Variants in DCP1A observed in about 807,000 individuals in gnomAD.
DCP1A encodes the protein decapping mRNA 1A, also known as mRNA-decapping enzyme 1A.
DCP1A carries 20 observed loss-of-function variants against 58.0 expected under a neutral mutation model. The observed-to-expected ratio is 0.34, with a 90% confidence interval of 0.24 to 0.50. The LOEUF (loss-of-function observed/expected upper bound fraction) is 0.50. Ranked by LOEUF, DCP1A falls within the 20% of genes least tolerant of loss-of-function variation. DCP1A has a pLI of 0.98. For missense variants in DCP1A, 613 were observed against 712.2 expected (o/e 0.86, Z 1.59); for synonymous variants, 285 against 275.1 (o/e 1.04, Z -0.36).
chr3:53,325,029 C>T (rs1397817729), intron 3 of DCP1A, among the ~76,000 whole-genome samples: 1 of 151,768 alleles, frequency 6.6e-6, no homozygotes, highest in East Asian at 1.9e-4. Flanking sequence ...AAAAAAAATA[C>T]AAATTACAAA....
Position 53,314,667 on chromosome 3 carries a change from C to CTTTTT in DCP1A, c.372-2293_372-2289dup, listed in dbSNP as rs1167830951. On this transcript the variant is annotated intron_variant, in intron 4 of 9. Transcript: ENST00000610213. ...AGAGAAGAATATTTCTTTTCTTTTT[C>CTTTTT]TTTTTTTTTTTTTTTTTTTTTTGAG... 5.0e-3 allele frequency among the ~76,000 whole-genome samples: 431 copies of CTTTTT among 86,506 alleles called. 3 individuals are homozygous for CTTTTT. Among genetic ancestry groups the CTTTTT allele is most frequent in the Non-Finnish European group, 5.8e-3 (270 of 46,692 alleles). The allele number at this position is 86,506 out of a possible 152,430, so 56.8% of individuals were successfully genotyped here. A position where few individuals can be genotyped will look rare whatever the true frequency, so the allele number is the denominator to read the frequency against.
intron 3 of DCP1A, among the ~76,000 whole-genome samples, chr3:53,322,089 A>C (rs1388027070): frequency 3.9e-5 from 6 of 152,160 alleles, no homozygotes; most frequent in Non-Finnish European, 8.8e-5. Context: ...TTTAATGCTC[A>C]ATTATTTGTT....
intron 6 of DCP1A, among the ~76,000 whole-genome samples, chr3:53,302,083 A>T (rs1707327943): frequency 6.6e-6 from 1 of 152,242 alleles, no homozygotes; most frequent in South Asian, 2.1e-4. Flanking sequence ...TGGATATACA[A>T]AAAGCTATAC....
At chr3:53,294,789 T>C (rs1707060308) in intron 6 of DCP1A, among the ~76,000 whole-genome samples, 1 of 152,142 alleles carries the variant, frequency 6.6e-6, no homozygotes, top group South Asian at 2.1e-4. Context: ...GGCTGAAATG[T>C]ATGGAACCCA....
intron 4 of DCP1A, among the ~76,000 whole-genome samples, 172 bp from the exon 5 acceptor site, chr3:53,312,551 A>G (rs1707681730): frequency 7.0e-6 from 1 of 143,830 alleles, no homozygotes; most frequent in Non-Finnish European, 1.5e-5. Flanking sequence ...GCTGGAGTGC[A>G]GTGGTGTGAT....
rs1438139341 is a variant in DCP1A at position 53,290,742 on chromosome 3, C to G, written c.1449+49G>C. ...TCTACTTTCTCACTATGGCACCCGA[C>G]TAGTCTTAAAAAAAAAAAAAAAAAA... On this transcript the variant is annotated intron_variant, in intron 8 of 9. Transcript: ENST00000610213. The G allele has an allele frequency of 8.9e-6, 11 of 1,234,148 alleles. 1 individual carries two copies. The Admixed American group carries it at 1.2e-4, about 13-fold the overall frequency. 76.4% of individuals were successfully genotyped at this position (1,234,148 alleles called of 1,614,324 possible).
chr3:53,318,388 T>C (rs1169092459), intron 4 of DCP1A, among the ~76,000 whole-genome samples: 1 of 152,042 alleles, frequency 6.6e-6, no homozygotes, highest in Non-Finnish European at 1.5e-5. Flanking sequence ...CTTTTAAACA[T>C]GTGATTGAAA....
chr3:53,346,486 C>A (rs2089293016), intron 1 of DCP1A, among the ~76,000 whole-genome samples: 1 of 152,188 alleles, frequency 6.6e-6, no homozygotes, highest in African/African-American at 2.4e-5. Context: ...TTCAATCCAA[C>A]AAGCATTTAC....
intron 9 of DCP1A, 79 bp downstream of exon 9, chr3:53,287,986 C>T: frequency 7.3e-7 from 1 of 1,371,306 alleles, no homozygotes; most frequent in Non-Finnish European, 1.0e-6. Context: ...ACTTTATGAA[C>T]TGATTCTGTA....
intron 1 of DCP1A, among the ~76,000 whole-genome samples, chr3:53,347,109 C>T (rs1440964099): frequency 6.6e-6 from 1 of 152,200 alleles, no homozygotes; most frequent in African/African-American, 2.4e-5. Context: ...TCGCCCACGT[C>T]CCCAGACCCG....
intron 6 of DCP1A, among the ~76,000 whole-genome samples, chr3:53,302,831 C>G (rs12108140): frequency 0.02 from 2,970 of 152,234 alleles, 100 homozygotes; most frequent in African/African-American, 0.067. Flanking sequence ...CCATGTTGGC[C>G]AGGCTGGTCT....
chr3:53,344,149 A>G (rs181139431), intron 2 of DCP1A, among the ~76,000 whole-genome samples: 328 of 152,188 alleles, frequency 2.2e-3, no homozygotes, highest in African/African-American at 7.5e-3. Context: ...ACAAAAAAAA[A>G]AGGGAAAAGA....
At chr3:53,340,020 T>C (rs1575623259) in intron 3 of DCP1A, among the ~76,000 whole-genome samples, 2 of 151,986 alleles carry the variant, frequency 1.3e-5, no homozygotes, top group African/African-American at 2.4e-5. Flanking sequence ...GCCTCCTGGG[T>C]TCAAGCGACT....
chr3:53,317,486 C>G (rs1553689383), intron 4 of DCP1A, among the ~76,000 whole-genome samples: 1 of 152,158 alleles, frequency 6.6e-6, no homozygotes, highest in African/African-American at 2.4e-5. Context: ...TTCTAGGTAA[C>G]CACAAGTAAG....
chr3:53,311,835 A>G (rs1417000086), intron 5 of DCP1A, among the ~76,000 whole-genome samples: 5 of 152,330 alleles, frequency 3.3e-5, no homozygotes, highest in African/African-American at 1.2e-4. Context: ...CTTCTCCCAT[A>G]GTAATCTTAT....
At chr3:53,339,605 A>G (rs2089170346) in intron 3 of DCP1A, among the ~76,000 whole-genome samples, 1 of 152,164 alleles carries the variant, frequency 6.6e-6, no homozygotes, top group South Asian at 2.1e-4. Flanking sequence ...TCTTCCACAC[A>G]CGAACTATAA....
chr3:53,294,874 C>G (rs1283681129), intron 6 of DCP1A, among the ~76,000 whole-genome samples: 1 of 152,238 alleles, frequency 6.6e-6, no homozygotes, highest in Admixed American at 6.5e-5. Context: ...CAGGGGCTCT[C>G]TTTCTCATGT....
At chr3:53,307,569 TG>T (rs1707513818) in intron 5 of DCP1A, among the ~76,000 whole-genome samples, 1 of 152,238 alleles carries the variant, frequency 6.6e-6, no homozygotes, top group East Asian at 1.9e-4. Context: ...TGTACTTTAA[TG>T]AAAGTTCTCA....
rs1214323433 is a variant in DCP1A at position 53,329,474 on chromosome 3, A to G, written c.305-10001T>C. The G allele has an allele frequency of 7.5e-6, 3 of 398,036 alleles. No individual in the cohort carries two copies. In the East Asian group the frequency reaches 1.1e-4, roughly 14 times the overall value. The allele number at this position is 398,036 out of a possible 1,614,324, so 24.7% of individuals were successfully genotyped here. On this transcript the variant is annotated intron_variant, in intron 3 of 9. Coordinates refer to ENST00000610213, the MANE Select transcript of DCP1A (RefSeq NM_018403.7). ...GTTCTTAAAAATATTAAATAGCAAT[A>G]ATATTTAACATTTTAAATTATACTT...
Sources: gnomAD v4.1 joint callset for allele counts (sites outside exome capture counted in the v4.1 genomes callset) on GRCh38, gnomAD v4.1.1 for gene constraint, MANE v1.5 for transcripts, NCBI Gene and HGNC (gene_info 2026-07-23, HGNC 2026-07-21) for gene names.